The following METTL21C variants were observed in gnomAD, a reference collection of about 807,000 sequenced individuals.
METTL21C encodes the protein methyltransferase 21C, AARS1 lysine.
A neutral mutation model predicts 25.9 loss-of-function variants in METTL21C; 21 were observed. The ratio of observed to expected loss-of-function variants is 0.81; its 90% CI spans 0.58 to 1.17. METTL21C has a LOEUF of 1.17. METTL21C is among the 50% of genes most tolerant of loss of function. METTL21C has a pLI of 0.00. For missense variants in METTL21C, 312 were observed against 315.1 expected (o/e 0.99, Z 0.07); for synonymous variants, 125 against 124.7 (o/e 1.00, Z -0.01).
chr13:102,691,896 G>A (rs1033132054), intron 1 of METTL21C, among the ~76,000 whole-genome samples: 9 of 152,140 alleles, frequency 5.9e-5, no homozygotes, highest in Non-Finnish European at 1.2e-4. Flanking sequence ...GCACCTGATC[G>A]GGCTGACATC....
At chr13:102,701,868 A>T in the METTL21C span, among the ~76,000 whole-genome samples, 1 of 152,154 alleles carries the variant, frequency 6.6e-6, no homozygotes, top group African/African-American at 2.4e-5. Flanking sequence ...AACCAACATA[A>T]ATATTAGGGG....
At chr13:102,699,299 A>G (rs1045124221), upstream of METTL21C, among the ~76,000 whole-genome samples, 5 of 152,142 alleles carry the variant, frequency 3.3e-5, no homozygotes, top group African/African-American at 1.2e-4. Flanking sequence ...ATGGAGTTGC[A>G]CTTCCCAAGT....
rs1393712403 is a variant in METTL21C, at chr13:102,690,807, T to C, written c.282+6A>G. On this transcript the variant is annotated splice_donor_region_variant and intron_variant, in intron 2 of 3. Transcript: ENST00000267273. The stretch of plus-strand genomic sequence containing the variant: ...CCTGACATCACAAATATGACAGTTC[T>C]CTCACCCCTGGCCACACCACCGCTC... 1 of 1,612,860 alleles carries C rather than the reference T, an allele frequency of 6.2e-7. No individual in the cohort carries two copies. The highest frequency in any genetic ancestry group is 8.5e-7 in the Non-Finnish European group (1 of 1,179,644).
Position 102,687,515 on chromosome 13 carries a change from C to A in METTL21C, c.283-458G>T, listed in dbSNP as rs1885706993. Among the ~76,000 whole-genome samples, 4 of 152,224 alleles carry A rather than the reference C, an allele frequency of 2.6e-5. No homozygotes were observed. In the South Asian group the frequency reaches 8.3e-4, roughly 32 times the overall value. ...ATAAACTTGAACACCTCTTTCCTGACTCCTTTACCAAAATTCAGGTTGGCG... is the reference window on the plus strand; with the variant it reads ...ATAAACTTGAACACCTCTTTCCTGAATCCTTTACCAAAATTCAGGTTGGCG... On this transcript the variant is annotated intron_variant, in intron 2 of 3. Coordinates refer to ENST00000267273, the MANE Select transcript of METTL21C (RefSeq NM_001010977.3).
At chr13:102,697,944 G>A (rs545204113), upstream of METTL21C, among the ~76,000 whole-genome samples, 12 of 152,210 alleles carry the variant, frequency 7.9e-5, 1 homozygote, top group South Asian at 1.7e-3. Flanking sequence ...AGAGAGCTCC[G>A]GTGGTATTTT....
chr13:102,689,100 T>TTA (rs200312701), intron 2 of METTL21C, among the ~76,000 whole-genome samples: 518 of 152,086 alleles, frequency 3.4e-3, no homozygotes, highest in African/African-American at 0.012. Flanking sequence ...TTTAAAATTA[T>TTA]TATTTTTAAA....
upstream of METTL21C, among the ~76,000 whole-genome samples, chr13:102,695,826 G>A (rs979395408): frequency 1.3e-5 from 2 of 152,150 alleles, no homozygotes; most frequent in Admixed American, 6.5e-5. Context: ...TCTTCCAGGT[G>A]TCATCAGTCC....
In METTL21C at chr13:102,686,236, T is replaced by C. The variant is rs750731316; in HGVS notation, c.590A>G (p.Tyr197Cys). 1.3e-5 allele frequency: 21 copies of C among 1,614,206 alleles called. No homozygotes were observed. The East Asian group carries it at 3.6e-4, about 27-fold the overall frequency. Residue 197 changes from tyrosine to cysteine, a missense_variant, in exon 4 of 4, where the codon TAC (tyrosine) becomes TGC (cysteine). Transcript: ENST00000267273. ...CAGCTTGTCCAGGAAGTAGTGATGG[T>C]AGACCACATCTGAGGCTAGGACGTA... Reference protein sequence around the residue: ...YDYVLASDVVYHHYFLDKLLT... With the variant: ...YDYVLASDVVCHHYFLDKLLT...
chr13:102,698,540 C>A (rs577914457), upstream of METTL21C, among the ~76,000 whole-genome samples: 1 of 152,148 alleles, frequency 6.6e-6, no homozygotes, highest in Admixed American at 6.5e-5. Context: ...ACTAAAACCA[C>A]CCACATCAGC....
intron 3 of METTL21C, 43 bp downstream of exon 3, chr13:102,686,897 A>G: frequency 6.8e-7 from 1 of 1,475,428 alleles, no homozygotes; most frequent in Non-Finnish European, 9.5e-7. Flanking sequence ...TATTGTTGTT[A>G]CAGTAAAGAT....
the METTL21C span, among the ~76,000 whole-genome samples, chr13:102,704,026 A>C: frequency 6.6e-6 from 1 of 152,366 alleles, no homozygotes; most frequent in African/African-American, 2.4e-5. Context: ...TTAAATTGGA[A>C]AGAAAATGAA....
intron 1 of METTL21C, among the ~76,000 whole-genome samples, chr13:102,692,810 T>G (rs1487130764): frequency 6.6e-6 from 1 of 152,174 alleles, no homozygotes; most frequent in African/African-American, 2.4e-5. Flanking sequence ...TGCGGTCACC[T>G]GCCCTGGTAG....
intron 2 of METTL21C, among the ~76,000 whole-genome samples, chr13:102,687,493 A>G (rs898934102): frequency 2.0e-5 from 3 of 152,222 alleles, no homozygotes; most frequent in Non-Finnish European, 4.4e-5. Context: ...TCAATTTATA[A>G]ACTTGAACAC....
chr13:102,694,237 C>A, intron 1 of METTL21C, 132 bp downstream of exon 1: 2 of 995,652 alleles, frequency 2.0e-6, no homozygotes, highest in Non-Finnish European at 1.5e-6. Context: ...CATTTTTCTG[C>A]TAAGCTTCAT....
intron 1 of METTL21C, among the ~76,000 whole-genome samples, chr13:102,693,483 A>T (rs78687266): frequency 0.06 from 9,150 of 152,102 alleles, 781 homozygotes; most frequent in African/African-American, 0.19. Context: ...CCTCCTTCCA[A>T]ATGTCACCAT....
At chr13:102,703,711 C>CA in the METTL21C span, among the ~76,000 whole-genome samples, 9 of 152,278 alleles carry the variant, frequency 5.9e-5, no homozygotes, top group Admixed American at 1.3e-4. Flanking sequence ...ATATATAATT[C>CA]AAAATCTAAG....
intron 1 of METTL21C, among the ~76,000 whole-genome samples, chr13:102,692,259 G>A (rs654454): frequency 0.52 from 78,674 of 151,832 alleles, 20,735 homozygotes; most frequent in East Asian, 0.73. Flanking sequence ...TGGGTCTTGG[G>A]AGAAACCTGG....
At chr13:102,695,538 G>T (rs1294321025), upstream of METTL21C, among the ~76,000 whole-genome samples, 1 of 152,142 alleles carries the variant, frequency 6.6e-6, no homozygotes, top group Non-Finnish European at 1.5e-5. Flanking sequence ...TGGATGAATG[G>T]TGTTTTAACC....
rs1376507887 is a variant in METTL21C at position 102,694,896 on chromosome 13, T to TCA, written c.-399_-398insTG. Among the ~76,000 whole-genome samples the TCA allele has an allele frequency of 7.7e-5, 11 of 142,392 alleles. No individual in the cohort carries two copies. The East Asian group carries it at 1.1e-3, about 14-fold the overall frequency. 93.4% of individuals were successfully genotyped at this position (142,392 alleles called of 152,430 possible). A position where few individuals can be genotyped will look rare whatever the true frequency, so the allele number is the denominator to read the frequency against. On this transcript the variant is annotated 5_prime_UTR_variant, in exon 1 of 4. Transcript: ENST00000267273. ...CTTTCTCTCTCTCTCTCTCTCTCTC[T>TCA]CTCTCACACACACACACACACACAC...
Sources: gnomAD v4.1 joint callset for allele counts (sites outside exome capture counted in the v4.1 genomes callset) on GRCh38, gnomAD v4.1.1 for gene constraint, MANE v1.5 for transcripts, NCBI Gene and HGNC (gene_info 2026-07-23, HGNC 2026-07-21) for gene names.